CREB5: variants seen among roughly 807,000 people sequenced by gnomAD.
CREB5 encodes cyclic AMP-responsive element-binding protein 5.
Under a neutral mutation model 57.1 loss-of-function variants are expected in CREB5, and 19 were observed. The ratio of observed to expected loss-of-function variants is 0.33; its 90% CI spans 0.23 to 0.49. CREB5 has a LOEUF of 0.49. Ranked by LOEUF, CREB5 falls within the 20% of genes least tolerant of loss-of-function variation. The probability of loss-of-function intolerance (pLI) is 0.99; values close to 1 mark genes in which losing one functional copy is unlikely to be tolerated. For synonymous variants in CREB5, 238 were observed against 238.3 expected, an observed-to-expected ratio of 1.00 and a Z score of 0.01; for missense variants, 579 against 671.6, an observed-to-expected ratio of 0.86 and a Z score of 1.52.
intron 1 of CREB5, among the ~76,000 whole-genome samples, chr7:28,349,952 A>C (rs1438375968): frequency 6.6e-6 from 1 of 152,190 alleles, no homozygotes; most frequent in Non-Finnish European, 1.5e-5. Context: ...TTTTATTTGC[A>C]GTTGAATTAC....
intron 1 of CREB5, among the ~76,000 whole-genome samples, chr7:28,335,458 T>C (rs1785806158): frequency 6.6e-6 from 1 of 152,134 alleles, no homozygotes; most frequent in Admixed American, 6.5e-5. Flanking sequence ...TTTGTTGCTA[T>C]TGTAAATGGG....
chr7:28,791,898 C>T (rs1807734993), intron 7 of CREB5, among the ~76,000 whole-genome samples: 1 of 152,088 alleles, frequency 6.6e-6, no homozygotes, highest in Admixed American at 6.5e-5. Flanking sequence ...GTGTTGTAGG[C>T]AGTAAAAAAG....
chr7:28,561,033 T>TGTGCGC (rs138221456), intron 4 of CREB5, among the ~76,000 whole-genome samples: 6 of 83,470 alleles, frequency 7.2e-5, no homozygotes, highest in African/African-American at 2.2e-4. Flanking sequence ...TGCGTGTGTG[T>TGTGCGC]GTGTGTGTGT....
chr7:28,755,441 G>A (rs1805247051), intron 7 of CREB5, among the ~76,000 whole-genome samples: 1 of 152,196 alleles, frequency 6.6e-6, no homozygotes. Flanking sequence ...TCCTATGAGA[G>A]AAGGGAGGTC....
intron 1 of CREB5, among the ~76,000 whole-genome samples, chr7:28,299,839 T>C (rs1448896073): frequency 1.3e-5 from 2 of 152,230 alleles, no homozygotes. Context: ...GGCAAACTAA[T>C]ATACACATTG....
At chr7:28,355,789 A>G (rs1180706350) in intron 1 of CREB5, among the ~76,000 whole-genome samples, 1 of 152,218 alleles carries the variant, frequency 6.6e-6, no homozygotes, top group African/African-American at 2.4e-5. Context: ...AAGTACAGGA[A>G]TAATTAACTG....
intron 1 of CREB5, among the ~76,000 whole-genome samples, chr7:28,360,361 A>G (rs139097639): frequency 0.013 from 1,965 of 152,346 alleles, 24 homozygotes; most frequent in Middle Eastern, 0.041. Flanking sequence ...TAGGGTATCT[A>G]TCCACAATGG....
At chr7:28,713,157 A>G (rs1051571892) in intron 5 of CREB5, among the ~76,000 whole-genome samples, 4 of 152,264 alleles carry the variant, frequency 2.6e-5, no homozygotes, top group South Asian at 4.1e-4. Flanking sequence ...GGCTCAAGCA[A>G]TCCTCTCACC....
chr7:28,305,214 T>A (rs949538456), intron 1 of CREB5, among the ~76,000 whole-genome samples: 1 of 152,244 alleles, frequency 6.6e-6, no homozygotes, highest in Admixed American at 6.5e-5. Context: ...GTCTTTTTTT[T>A]ACAATACCTT....
intron 10 of CREB5, 44 bp from the exon 11 acceptor site, chr7:28,819,072 G>GGT (rs745826605): frequency 9.5e-6 from 15 of 1,574,868 alleles, no homozygotes; most frequent in African/African-American, 1.4e-5. Flanking sequence ...GACCTATATT[G>GGT]GTGTGTGTGT....
At chr7:28,515,629 T>C (rs1792908356) in intron 4 of CREB5, among the ~76,000 whole-genome samples, 1 of 152,116 alleles carries the variant, frequency 6.6e-6, no homozygotes, top group Admixed American at 6.5e-5. Context: ...ACTCTGGGAC[T>C]CAGCTCCCTC....
At chr7:28,427,191 T>C (rs1417399440) in intron 1 of CREB5, among the ~76,000 whole-genome samples, 1 of 152,226 alleles carries the variant, frequency 6.6e-6, no homozygotes, top group African/African-American at 2.4e-5. Context: ...TCTCTTGCAT[T>C]CTTTGTGCAG....
intron 5 of CREB5, among the ~76,000 whole-genome samples, chr7:28,618,018 C>T (rs559326353): frequency 6.6e-5 from 10 of 152,168 alleles, no homozygotes; most frequent in Non-Finnish European, 1.5e-4. Context: ...TAAAGGTACA[C>T]AGAGAAAAGC....
At chr7:28,542,452 T>G (rs1446374184) in intron 4 of CREB5, among the ~76,000 whole-genome samples, 1 of 152,180 alleles carries the variant, frequency 6.6e-6, no homozygotes, top group Non-Finnish European at 1.5e-5. Context: ...AAACACTGGT[T>G]GTTTTGCACC....
intron 5 of CREB5, among the ~76,000 whole-genome samples, chr7:28,704,589 G>A (rs556748636): frequency 5.3e-5 from 8 of 151,976 alleles, no homozygotes; most frequent in African/African-American, 1.9e-4. Context: ...CTCCCAAGTA[G>A]CTAGTACTAC....
At chr7:28,619,000 C>T (rs181140356) in intron 5 of CREB5, among the ~76,000 whole-genome samples, 37 of 152,300 alleles carry the variant, frequency 2.4e-4, no homozygotes, top group Non-Finnish European at 4.6e-4. Flanking sequence ...CTCTATCATT[C>T]TCACTTTATA....
chr7:28,743,303 T>C (rs529325742), intron 7 of CREB5, among the ~76,000 whole-genome samples: 2 of 152,184 alleles, frequency 1.3e-5, no homozygotes, highest in South Asian at 4.2e-4. Context: ...GAGGCTAAGA[T>C]AGAAGGATTG....
intron 5 of CREB5, among the ~76,000 whole-genome samples, chr7:28,653,978 CT>C (rs1799237939): frequency 6.6e-6 from 1 of 152,202 alleles, no homozygotes; most frequent in African/African-American, 2.4e-5. Context: ...TGACAGCTAC[CT>C]GTCACTTGAG....
intron 5 of CREB5, among the ~76,000 whole-genome samples, chr7:28,683,675 A>G (rs1318488386): frequency 1.3e-5 from 2 of 152,232 alleles, no homozygotes; most frequent in Admixed American, 1.3e-4. Context: ...GGCGGGTCTC[A>G]TCTGAGATCC....
Sources: allele counts gnomAD v4.1 joint callset (sites outside exome capture counted in the v4.1 genomes callset), GRCh38; gene constraint gnomAD v4.1.1; transcripts MANE v1.5; gene names NCBI Gene and HGNC (gene_info 2026-07-23, HGNC 2026-07-21).